The following SCAF4 variants were observed in gnomAD, a reference collection of about 807,000 sequenced individuals.
The protein encoded by SCAF4 is SR-related and CTD-associated factor 4.
SCAF4 carries 25 observed loss-of-function variants against 129.8 expected under a neutral mutation model. The ratio of observed to expected loss-of-function variants is 0.19; its 90% CI spans 0.14 to 0.27. The LOEUF (loss-of-function observed/expected upper bound fraction) is 0.27, where lower values mean the gene tolerates loss of function less well. Among genes scored for constraint, SCAF4 ranks in the 10% least tolerant of loss-of-function variants. SCAF4 has a pLI of 1.00. For missense variants in SCAF4, 1,246 were observed against 1,457.1 expected (o/e 0.86, Z 2.36); for synonymous variants, 551 against 497.7 (o/e 1.11, Z -1.43).
In SCAF4 at chr21:31,685,166, C is replaced by G. The variant is rs1419795711; in HGVS notation, c.2371G>C (p.Gly791Arg). The change falls in exon 19 of 20, where the codon GGG becomes CGG. Residue 791 changes from glycine to arginine, a missense_variant. This residue lies in a region of SCAF4 where 468 missense variants were observed against 605.5 expected (regional missense o/e 0.77). Coordinates refer to ENST00000286835, the MANE Select transcript of SCAF4 (RefSeq NM_020706.2). The part of the protein sequence containing the change: ...IGNPIPTVVS[G>R]ARGNAESGDS... ...CCAGACTCGGCGTTTCCTCTAGCCCCAGACACCACTGTTGGAATGGGATTT... is the reference window on the plus strand; with the variant it reads ...CCAGACTCGGCGTTTCCTCTAGCCCGAGACACCACTGTTGGAATGGGATTT... 6.2e-7 allele frequency: 1 copy of G among 1,612,848 alleles called. No homozygotes were observed. The highest frequency in any genetic ancestry group is 1.3e-5 in the African/African-American group (1 of 74,988).
chr21:31,701,074 T>C lies in SCAF4; in HGVS notation c.698A>G (p.Gln233Arg). The C allele has an allele frequency of 8.7e-6, 14 of 1,614,122 alleles. No homozygotes were observed. The highest frequency in any genetic ancestry group is 1.2e-5 in the Non-Finnish European group (14 of 1,180,016). ...TGGTTGTGTAGGAGTTGTCTTTAAC[T>C]GAGCTGTGATAGCCTGAACCTGAGC... Reference protein sequence around the residue: ...VMAQVQAITAQLKTTPTQPSE... With the variant: ...VMAQVQAITARLKTTPTQPSE... The change falls in exon 7 of 20, where the codon CAG (glutamine) becomes CGG (arginine). Residue 233 changes from glutamine to arginine, a missense_variant. Physicochemically the swap from Gln to Arg is conservative, Grantham distance 43. Transcript: ENST00000286835.
intron 7 of SCAF4, among the ~76,000 whole-genome samples, chr21:31,700,340 A>G (rs2050494733): frequency 6.6e-6 from 1 of 152,038 alleles, no homozygotes; most frequent in African/African-American, 2.4e-5. Flanking sequence ...TCCTGGGCTC[A>G]TGGGATCCTC....
intron 1 of SCAF4, among the ~76,000 whole-genome samples, chr21:31,729,719 A>G (rs182456200): frequency 2.0e-5 from 3 of 152,354 alleles, no homozygotes; most frequent in Admixed American, 2.0e-4. Context: ...TTTGCAGTTC[A>G]TAAAGACTAG....
Position 31,690,883 on chromosome 21 carries a change from G to C in SCAF4, c.1799C>G (p.Thr600Ser). The C allele has an allele frequency of 6.2e-7, 1 of 1,613,620 alleles. No homozygotes were observed. The highest frequency in any genetic ancestry group is 8.5e-7 in the Non-Finnish European group (1 of 1,179,644). The change falls in exon 15 of 20, where the codon ACT (threonine) becomes AGT (serine). Residue 600 changes from threonine to serine, a missense_variant. Around this residue, in one of 6 missense-constraint regions of SCAF4, gnomAD observed 468 missense variants for 605.5 expected, o/e 0.77. Coordinates refer to ENST00000286835, the MANE Select transcript of SCAF4 (RefSeq NM_020706.2). ...CTTGACTTTGTCCCATGGAATATAA[G>C]TAACACCAAGTTCTACATCCCAATA... ...KQYWDVELGV[T>S]YIPWDKVKPE... is the part of the protein sequence containing the mutation.
intron 1 of SCAF4, among the ~76,000 whole-genome samples, chr21:31,729,408 A>G (rs2051290218): frequency 6.6e-6 from 1 of 152,194 alleles, no homozygotes; most frequent in Non-Finnish European, 1.5e-5. Flanking sequence ...TCTACCTCCT[A>G]TTAAAATTAT....
intron 7 of SCAF4, 135 bp from the exon 8 acceptor site, chr21:31,696,885 C>T: frequency 1.4e-6 from 1 of 695,342 alleles, no homozygotes; most frequent in South Asian, 2.2e-5. Flanking sequence ...TCCCTTATGC[C>T]CCTCAGGACC....
intron 1 of SCAF4, among the ~76,000 whole-genome samples, chr21:31,714,935 A>G (rs1355245673): frequency 6.6e-6 from 1 of 152,242 alleles, no homozygotes; most frequent in Non-Finnish European, 1.5e-5. Flanking sequence ...AGGTTTCCAG[A>G]TGATCCTGGT....
chr21:31,672,150 G>A lies in SCAF4; in HGVS notation c.2693C>T (p.Ala898Val), dbSNP rs572835873. 2.2e-5 allele frequency: 36 copies of A among 1,605,300 alleles called. No homozygotes were observed. The African/African-American group carries it at 2.4e-4, about 11-fold the overall frequency. The change falls in exon 20 of 20, where the codon GCG (alanine) becomes GTG (valine). Residue 898 changes from alanine to valine, a missense_variant. By Grantham distance (64) the Ala-to-Val change is moderately conservative (BLOSUM62 0). Coordinates refer to ENST00000286835, the MANE Select transcript of SCAF4 (RefSeq NM_020706.2). ...TTTCATTCCATGAGGTGGAGGCATCGCAAAGCCCCCTGGTCCTGGCGGTGG... is the reference window on the plus strand; with the variant it reads ...TTTCATTCCATGAGGTGGAGGCATCACAAAGCCCCCTGGTCCTGGCGGTGG... ...RGPPPGPGGF[A>V]MPPPHGMKGP...
At chr21:31,702,125 A>G in intron 5 of SCAF4, 119 bp downstream of exon 5, 2 of 1,415,918 alleles carry the variant, frequency 1.4e-6, no homozygotes, top group Middle Eastern at 1.8e-4. Flanking sequence ...CATACCTTCC[A>G]AGATGTAAAC....
Position 31,693,874 on chromosome 21 carries a change from C to G in SCAF4, c.1322+330G>C, listed in dbSNP as rs2050318179. ...TGATTACAGCATTACTGTGATCTTTCCACTTTTGCTGGCTGATAAAGCTGT... is the reference window on the plus strand; with the variant it reads ...TGATTACAGCATTACTGTGATCTTTGCACTTTTGCTGGCTGATAAAGCTGT... On this transcript the variant is annotated intron_variant, in intron 11 of 19. Coordinates refer to ENST00000286835, the MANE Select transcript of SCAF4 (RefSeq NM_020706.2). Among the ~76,000 whole-genome samples the G allele has an allele frequency of 1.3e-5, 2 of 152,138 alleles. 1 individual carries two copies. Among genetic ancestry groups the G allele is most frequent in the South Asian group, 4.1e-4 (2 of 4,822 alleles).
rs2050589987 is a variant in SCAF4, at chr21:31,703,817, T to C, written c.269A>G (p.Lys90Arg). Reference protein sequence around the residue: ...DKDVFGPRFSKNITATFQYLY... With the variant: ...DKDVFGPRFSRNITATFQYLY... The stretch of plus-strand genomic sequence containing the variant: ...ATATTGGAATGTGGCAGTTATGTTT[T>C]TAGAGAATCTTGGCCCAAAAACATC... Residue 90 changes from lysine to arginine, a missense_variant, in exon 4 of 20, where the codon AAA (lysine) becomes AGA (arginine). By Grantham distance (26) the Lys-to-Arg change is conservative. This residue lies in a region of SCAF4 where 56 missense variants were observed against 139.4 expected (regional missense o/e 0.40). Transcript: ENST00000286835. The C allele has an allele frequency of 6.3e-7, 1 of 1,596,110 alleles. No individual in the cohort carries two copies. The highest frequency in any genetic ancestry group is 8.6e-7 in the Non-Finnish European group (1 of 1,165,524).
In SCAF4 at chr21:31,732,104, C is replaced by T; in HGVS notation, c.-412G>A. Reference sequence around the variant, plus strand: ...TGGCGGCAGCGGCCCGAGTCCACGCCGCGCGGGGCACCCTGGGACGGCTCA... The same window carrying T: ...TGGCGGCAGCGGCCCGAGTCCACGCTGCGCGGGGCACCCTGGGACGGCTCA... On this transcript the variant is annotated 5_prime_UTR_variant, in exon 1 of 20. Coordinates refer to ENST00000286835, the MANE Select transcript of SCAF4 (RefSeq NM_020706.2). The T allele has an allele frequency of 2.5e-6, 1 of 404,756 alleles. No homozygotes were observed. The highest frequency in any genetic ancestry group is 4.3e-6 in the Non-Finnish European group (1 of 231,032). The allele number at this position is 404,756 out of a possible 1,614,324, so 25.1% of individuals were successfully genotyped here.
At position 31,694,343 on chromosome 21, in the gene SCAF4, G is replaced by A. The variant is rs898265069; in HGVS notation, c.1237-54C>T. On this transcript the variant is annotated intron_variant, in intron 10 of 19. Transcript: ENST00000286835. ...AGAAATTTAAAAAGTATAAAAGCAA[G>A]AGGACAAAATCTAACAAAAGCTATA... The A allele has an allele frequency of 5.2e-6, 6 of 1,148,640 alleles. No homozygotes were observed. The Admixed American group carries it at 6.3e-5, about 12-fold the overall frequency. 71.2% of individuals were successfully genotyped at this position (1,148,640 alleles called of 1,614,324 possible). A position where few individuals can be genotyped will look rare whatever the true frequency, so the allele number is the denominator to read the frequency against.
In SCAF4 at chr21:31,731,762, CTGG is replaced by C; in HGVS notation, c.-73_-71del. On this transcript the variant is annotated 5_prime_UTR_variant, in exon 1 of 20. Coordinates refer to ENST00000286835, the MANE Select transcript of SCAF4 (RefSeq NM_020706.2). Reference sequence around the variant, plus strand: ...GACCTCGCGCCGCGGCGGAGCGGGGCTGGGAAACCAGCCGGGCCTGGTGGCCGG... The same window carrying C: ...GACCTCGCGCCGCGGCGGAGCGGGGCGAAACCAGCCGGGCCTGGTGGCCGG... 6.6e-7 allele frequency: 1 copy of C among 1,522,876 alleles called. No individual in the cohort carries two copies. Among genetic ancestry groups the C allele is most frequent in the South Asian group, 1.2e-5 (1 of 82,454 alleles). 94.3% of individuals were successfully genotyped at this position (1,522,876 alleles called of 1,614,324 possible).
chr21:31,672,088 C>CTGTT lies in SCAF4; in HGVS notation c.2754_2755insAACA (p.Gly919AsnfsTer18). 6.2e-7 allele frequency: 1 copy of CTGTT among 1,613,326 alleles called. No homozygotes were observed. Among genetic ancestry groups the CTGTT allele is most frequent in the Non-Finnish European group, 8.5e-7 (1 of 1,179,394 alleles). ...GGGCCCCCGAGCCCTGGCATTCCACCAGGCCTAACAAAGGGGCCATGCGGT... is the reference window on the plus strand; with the variant it reads ...GGGCCCCCGAGCCCTGGCATTCCACCTGTTAGGCCTAACAAAGGGGCCATGCGGT... On this transcript the variant is annotated frameshift_variant, in exon 20 of 20. Coordinates refer to ENST00000286835, the MANE Select transcript of SCAF4 (RefSeq NM_020706.2). LOFTEE classifies it high-confidence loss of function.
chr21:31,696,086 T>A, intron 9 of SCAF4, 27 bp downstream of exon 9: 1 of 1,532,644 alleles, frequency 6.5e-7, no homozygotes, highest in Non-Finnish European at 9.0e-7. Flanking sequence ...TAGATCTTTC[T>A]TTGAACTGCA....
chr21:31,726,273 T>C (rs1488656039), intron 1 of SCAF4, among the ~76,000 whole-genome samples: 3 of 152,172 alleles, frequency 2.0e-5, no homozygotes, highest in Admixed American at 1.3e-4. Context: ...TCTCGATCTC[T>C]TGACTTTGTC....
intron 16 of SCAF4, among the ~76,000 whole-genome samples, chr21:31,686,029 C>G (rs1054335061): frequency 1.3e-5 from 2 of 151,574 alleles, no homozygotes; most frequent in South Asian, 2.1e-4. Flanking sequence ...ATGGCGAAAC[C>G]CTGTCTGTAC....
At position 31,732,034 on chromosome 21, in the gene SCAF4, C is replaced by T. The variant is rs1191985869; in HGVS notation, c.-342G>A. On this transcript the variant is annotated 5_prime_UTR_variant, in exon 1 of 20. Transcript: ENST00000286835. Reference sequence around the variant, plus strand: ...CCTCACGCACTGGCTCACACTGGCCCGGCCGGCGAGCGGGCGGGCCTCTCT... The same window carrying T: ...CCTCACGCACTGGCTCACACTGGCCTGGCCGGCGAGCGGGCGGGCCTCTCT... 2.1e-5 allele frequency: 9 copies of T among 431,854 alleles called. 1 individual carries two copies. The highest frequency in any genetic ancestry group is 4.1e-5 in the African/African-American group (2 of 48,410). The allele number at this position is 431,854 out of a possible 1,614,324, so 26.8% of individuals were successfully genotyped here.
Sources: allele counts gnomAD v4.1 joint callset (sites outside exome capture counted in the v4.1 genomes callset), GRCh38; gene constraint gnomAD v4.1.1; regional missense constraint gnomAD v4.1.1; transcripts MANE v1.5; gene names NCBI Gene and HGNC (gene_info 2026-07-23, HGNC 2026-07-21).